TAX1BP1: variants seen among roughly 807,000 people sequenced by gnomAD.
TAX1BP1 encodes the protein tax1-binding protein 1.
In TAX1BP1, 62 loss-of-function variants were observed where a neutral mutation model predicts 97.7. That is an observed-to-expected ratio of 0.63 (90% CI 0.52 to 0.78). The LOEUF (loss-of-function observed/expected upper bound fraction) is 0.78, where lower values mean the gene tolerates loss of function less well. Among genes scored for constraint, TAX1BP1 ranks in the 30% least tolerant of loss-of-function variants. TAX1BP1 has a pLI of 0.00. For missense variants in TAX1BP1, 867 were observed against 916.1 expected, an observed-to-expected ratio of 0.95 and a Z score of 0.69; for synonymous variants, 340 against 304.2, an observed-to-expected ratio of 1.12 and a Z score of -1.23.
intron 8 of TAX1BP1, among the ~76,000 whole-genome samples, chr7:27,791,692 G>A (rs1789714051): frequency 6.6e-6 from 1 of 152,152 alleles, no homozygotes; most frequent in African/African-American, 2.4e-5. Flanking sequence ...AAGAGATTCT[G>A]GGGGATGGGA....
At chr7:27,754,560 CTT>C (rs1455457724) in intron 2 of TAX1BP1, among the ~76,000 whole-genome samples, 9 of 151,596 alleles carry the variant, frequency 5.9e-5, no homozygotes, top group Non-Finnish European at 1.2e-4. Context: ...GACTTTCAGT[CTT>C]TTTTGTTTTT....
intron 5 of TAX1BP1, among the ~76,000 whole-genome samples, chr7:27,782,900 C>T (rs1583701592): frequency 6.6e-6 from 1 of 152,206 alleles, no homozygotes; most frequent in East Asian, 1.9e-4. Flanking sequence ...TATTTTTTAA[C>T]ATGAGAATAA....
In TAX1BP1 at chr7:27,785,395, T is replaced by G. The variant is rs1167951609; in HGVS notation, c.762-4T>G. 2.5e-6 allele frequency: 4 copies of G among 1,608,606 alleles called. No individual in the cohort carries two copies. The Admixed American group carries it at 6.8e-5, about 27-fold the overall frequency. Reference sequence around the variant, plus strand: ...ATAATGTTACTTTATCATACCTATCTTAGTTTAAAGGACAAACTCAAGAAG... The same window carrying G: ...ATAATGTTACTTTATCATACCTATCGTAGTTTAAAGGACAAACTCAAGAAG... On this transcript the variant is annotated splice_polypyrimidine_tract_variant and splice_region_variant and intron_variant, in intron 6 of 16. Transcript: ENST00000396319.
At chr7:27,773,185 A>G (rs915577772) in intron 5 of TAX1BP1, among the ~76,000 whole-genome samples, 2 of 152,134 alleles carry the variant, frequency 1.3e-5, no homozygotes, top group African/African-American at 4.8e-5. Flanking sequence ...AGTAAGTGAT[A>G]GAGGCTAGCA....
At chr7:27,785,343 A>T (rs773951272) in intron 6 of TAX1BP1, 32 bp downstream of exon 6, 1 of 1,588,306 alleles carries the variant, frequency 6.3e-7, no homozygotes, top group Non-Finnish European at 8.5e-7. Context: ...AATAAATTCA[A>T]TAAAAATTTT....
intron 8 of TAX1BP1, 83 bp downstream of exon 8, chr7:27,787,686 C>T: frequency 1.6e-6 from 2 of 1,270,030 alleles, no homozygotes; most frequent in East Asian, 2.6e-5. Context: ...TTTTAATTCC[C>T]CCAAGCTTTT....
intron 5 of TAX1BP1, among the ~76,000 whole-genome samples, chr7:27,774,466 C>T (rs1201629571): frequency 6.6e-6 from 1 of 151,902 alleles, no homozygotes; most frequent in African/African-American, 2.4e-5. Flanking sequence ...ATAACAGATA[C>T]AAGTATAGTA....
intron 3 of TAX1BP1, among the ~76,000 whole-genome samples, chr7:27,760,455 C>T (rs1037284945): frequency 5.0e-4 from 75 of 150,170 alleles, no homozygotes; most frequent in African/African-American, 1.7e-3. Flanking sequence ...TGCAGTGGCG[C>T]GATCTCGGCT....
chr7:27,771,990 A>G (rs530941027), intron 5 of TAX1BP1: 5 of 152,196 alleles, frequency 3.3e-5, no homozygotes, highest in South Asian at 2.1e-4. Flanking sequence ...CTGGAAATTC[A>G]TAGCATTTCC....
At chr7:27,792,976 G>T in intron 9 of TAX1BP1, 90 bp from the exon 10 acceptor site, 1 of 1,259,662 alleles carries the variant, frequency 7.9e-7, no homozygotes, top group Non-Finnish European at 1.1e-6. Flanking sequence ...ACAAAAAAAA[G>T]AAAAAAAGTA....
chr7:27,792,220 A>T lies in TAX1BP1; in HGVS notation c.1253A>T (p.Lys418Ile). The change falls in exon 9 of 17, where the codon AAA becomes ATA. Residue 418 changes from lysine to isoleucine, a missense_variant. Transcript: ENST00000396319. ...AVAELKLNAM[K>I]KDQDKTDTLE... ...GCAGAACTTAAACTAAATGCTATGA[A>T]AAAAGATCAGGTAAAACAAGTTAAT... 1 of 1,608,192 alleles carries T rather than the reference A, an allele frequency of 6.2e-7. No individual in the cohort carries two copies. The highest frequency in any genetic ancestry group is 2.2e-5 in the East Asian group (1 of 44,600).
chr7:27,796,004 G>A (rs1583717156), intron 11 of TAX1BP1, 112 bp from the exon 12 acceptor site: 4 of 719,294 alleles, frequency 5.6e-6, no homozygotes, highest in South Asian at 1.9e-5. Context: ...CTGTCCTTCA[G>A]CATTCCATTT....
At chr7:27,811,021 T>C (rs1790539140) in intron 13 of TAX1BP1, among the ~76,000 whole-genome samples, 1 of 152,118 alleles carries the variant, frequency 6.6e-6, no homozygotes. Context: ...CTTACCACAA[T>C]TAATTGCTAA....
chr7:27,803,790 C>T lies in TAX1BP1; in HGVS notation c.1764+3700C>T, dbSNP rs531966222. 1.1e-4 allele frequency among the ~76,000 whole-genome samples: 17 copies of T among 152,238 alleles called. No homozygotes were observed. The East Asian group carries it at 2.9e-3, about 26-fold the overall frequency. ...CTTTTTAGTATTCTGTGTGATTAAA[C>T]GGAAAGTACCCCTAAAGTTCTTTTG... On this transcript the variant is annotated intron_variant, in intron 13 of 16. Coordinates refer to ENST00000396319, the MANE Select transcript of TAX1BP1 (RefSeq NM_006024.7).
rs1787529704 is a variant in TAX1BP1, at chr7:27,740,394, G to A, written c.-8+125G>A. On this transcript the variant is annotated intron_variant, in intron 1 of 16. Coordinates refer to ENST00000396319, the MANE Select transcript of TAX1BP1 (RefSeq NM_006024.7). ...AGGGGCCTGGCCGGTCTCGGGAGAG[G>A]TCTCTGTGGTGACGAGGCTTTCCTT... 4 of 152,868 alleles carry A rather than the reference G, an allele frequency of 2.6e-5. No homozygotes were observed. In the South Asian group the frequency reaches 8.3e-4, roughly 32 times the overall value. The allele number at this position is 152,868 out of a possible 1,614,324, so 9.5% of individuals were successfully genotyped here. A position where few individuals can be genotyped will look rare whatever the true frequency, so the allele number is the denominator to read the frequency against.
In TAX1BP1 at chr7:27,793,110, A is replaced by C. The variant is rs749371338; in HGVS notation, c.1308A>C (p.Glu436Asp). ...TLEHELRREV[E>D]DLKLRLQMAA... The stretch of plus-strand genomic sequence containing the variant: ...AACACGAACTAAGAAGAGAAGTTGA[A>C]GATCTGAAACTCCGTCTTCAGATGG... Residue 436 changes from glutamate to aspartate, a missense_variant, in exon 10 of 17, where the codon GAA becomes GAC. Around this residue, in one of 3 missense-constraint regions of TAX1BP1, gnomAD observed 822 missense variants for 851.4 expected, o/e 0.97. Coordinates refer to ENST00000396319, the MANE Select transcript of TAX1BP1 (RefSeq NM_006024.7). 1.9e-6 allele frequency: 3 copies of C among 1,604,700 alleles called. No individual in the cohort carries two copies. In the South Asian group the frequency reaches 3.4e-5, roughly 18 times the overall value.
chr7:27,746,736 T>C (rs1392319808), intron 1 of TAX1BP1, among the ~76,000 whole-genome samples: 1 of 152,118 alleles, frequency 6.6e-6, no homozygotes, highest in African/African-American at 2.4e-5. Context: ...CTTGGAATGC[T>C]TGCAAACCTC....
At chr7:27,740,685 C>T (rs1033532868) in intron 1 of TAX1BP1, among the ~76,000 whole-genome samples, 1 of 152,160 alleles carries the variant, frequency 6.6e-6, no homozygotes, top group African/African-American at 2.4e-5. Context: ...TGGGTTTTAC[C>T]GGCGCAGTAA....
Position 27,780,872 on chromosome 7 carries a change from G to A in TAX1BP1, c.613-4291G>A, listed in dbSNP as rs910577609. Among the ~76,000 whole-genome samples, 3 of 151,832 alleles carry A rather than the reference G, an allele frequency of 2.0e-5. No homozygotes were observed. In the South Asian group the frequency reaches 6.2e-4, roughly 31 times the overall value. Reference sequence around the variant, plus strand: ...AAACCCATAATTTTTGTATTGATAAGTACAGAACTGTACAATGAAGCATTT... The same window carrying A: ...AAACCCATAATTTTTGTATTGATAAATACAGAACTGTACAATGAAGCATTT... On this transcript the variant is annotated intron_variant, in intron 5 of 16. Transcript: ENST00000396319.
Sources: gnomAD v4.1 joint callset for allele counts (sites outside exome capture counted in the v4.1 genomes callset) on GRCh38, gnomAD v4.1.1 for gene constraint, gnomAD v4.1.1 regional missense constraint, MANE v1.5 for transcripts, NCBI Gene and HGNC (gene_info 2026-07-23, HGNC 2026-07-21) for gene names.